OR10R2: variants seen among roughly 807,000 people sequenced by gnomAD.
The protein encoded by OR10R2 is olfactory receptor family 10 subfamily R member 2, also known as olfactory receptor 10R2.
OR10R2 carries 1 observed loss-of-function variant against 2.4 expected under a neutral mutation model. That is an observed-to-expected ratio of 0.41 (90% CI 0.15 to 1.95). OR10R2 has a LOEUF of 1.95. Ranked by LOEUF, OR10R2 falls within the 30% of genes most tolerant of loss-of-function variation. The pLI, the probability that OR10R2 is intolerant of heterozygous loss-of-function variation, is 0.30. For synonymous variants in OR10R2, 166 were observed against 144.8 expected, an observed-to-expected ratio of 1.15 and a Z score of -1.05; for missense variants, 419 against 373.0, an observed-to-expected ratio of 1.12 and a Z score of -1.01.
intron 1 of OR10R2, among the ~76,000 whole-genome samples, chr1:158,475,626 A>G (rs1571292829): frequency 6.6e-6 from 1 of 151,646 alleles, no homozygotes; most frequent in Non-Finnish European, 1.5e-5. Flanking sequence ...ATTTTTTATT[A>G]ATATTAACAT....
intron 1 of OR10R2, among the ~76,000 whole-genome samples, chr1:158,479,699 G>T (rs1049524783): frequency 6.6e-6 from 1 of 152,042 alleles, no homozygotes; most frequent in Non-Finnish European, 1.5e-5. Context: ...TAATCATAAG[G>T]GTTCTTAAAA....
intron 1 of OR10R2, among the ~76,000 whole-genome samples, chr1:158,474,034 CT>C (rs1489615859): frequency 9.6e-5 from 14 of 146,276 alleles, no homozygotes; most frequent in African/African-American, 5.0e-5. Flanking sequence ...TTTCTTCTTT[CT>C]TTCTTTCTTT....
chr1:158,472,842 T>A (rs1656189674), intron 1 of OR10R2, among the ~76,000 whole-genome samples: 1 of 152,058 alleles, frequency 6.6e-6, no homozygotes, highest in Admixed American at 6.6e-5. Flanking sequence ...AAAAAGGCTA[T>A]CCCTGGCACC....
chr1:158,479,994 C>A (rs1656349374), exon 2 of OR10R2: 3 of 1,613,910 alleles, frequency 1.9e-6, no homozygotes, highest in East Asian at 2.2e-5. Flanking sequence ...GTTTTTCCAG[C>A]CTTGGTGAAA....
At chr1:158,474,537 CA>C in intron 1 of OR10R2, 1 of 152,280 alleles carries the variant, frequency 6.6e-6, no homozygotes, top group East Asian at 1.9e-4. Context: ...AGAGAGGAAT[CA>C]GTCATGTAGA....
rs1184109962 is a variant in OR10R2, at chr1:158,480,143, C to T, written c.233C>T (p.Ser78Phe). 2.2e-5 allele frequency: 35 copies of T among 1,613,870 alleles called. No homozygotes were observed. The highest frequency in any genetic ancestry group is 3.0e-5 in the Non-Finnish European group (35 of 1,179,868). Residue 78 changes from serine (S) to phenylalanine (F), a missense_variant, in exon 2 of 2, where the codon TCT (serine) becomes TTT (phenylalanine). By Grantham distance (155) the Ser-to-Phe change is radical. Transcript: ENST00000641067. ...TTCTTCCTTGGCATTCTCTCAACATCTGAGACCTTCTACACCTTTGTCATT... is the reference window on the plus strand; with the variant it reads ...TTCTTCCTTGGCATTCTCTCAACATTTGAGACCTTCTACACCTTTGTCATT...
chr1:158,477,542 A>G (rs1436587083), intron 1 of OR10R2, among the ~76,000 whole-genome samples: 1 of 152,164 alleles, frequency 6.6e-6, no homozygotes, highest in Non-Finnish European at 1.5e-5. Context: ...CAAGAACACA[A>G]TTATATTTGA....
In OR10R2 at chr1:158,472,954, TA is replaced by T. The variant is rs550816515; in HGVS notation, c.27+604del. On this transcript the variant is annotated intron_variant, in intron 1 of 1. Transcript: ENST00000641067. The stretch of plus-strand genomic sequence containing the variant: ...TACTTATGTTGTCCATTCATCTTTA[TA>T]ACATCCCATATTACAGAAGAGAAAA... Among the ~76,000 whole-genome samples, 489 of 152,344 alleles carry T rather than the reference TA, an allele frequency of 3.2e-3. 2 individuals are homozygous for T. Among genetic ancestry groups the T allele is most frequent in the African/African-American group, 0.011 (460 of 41,594 alleles).
chr1:158,475,012 C>T (rs1309025136), intron 1 of OR10R2, among the ~76,000 whole-genome samples: 1 of 152,062 alleles, frequency 6.6e-6, no homozygotes, highest in East Asian at 1.9e-4. Context: ...GTGTTGTTCT[C>T]AGCACTCTAT....
chr1:158,475,423 C>T (rs569601944), intron 1 of OR10R2, among the ~76,000 whole-genome samples: 2 of 152,120 alleles, frequency 1.3e-5, no homozygotes, highest in Non-Finnish European at 2.9e-5. Context: ...AGTCATATAA[C>T]ACCACCACAG....
chr1:158,480,082 A>G, exon 2 of OR10R2: 1 of 1,613,924 alleles, frequency 6.2e-7, no homozygotes, highest in Non-Finnish European at 8.5e-7. Flanking sequence ...TATCAGTGTC[A>G]TCCACCTGGA....
intron 1 of OR10R2, among the ~76,000 whole-genome samples, chr1:158,476,584 T>C (rs1299690153): frequency 6.6e-5 from 10 of 151,558 alleles, no homozygotes; most frequent in Admixed American, 6.6e-4. Flanking sequence ...TTAAAATAAT[T>C]AAACTTAAAA....
At chr1:158,473,118 C>T (rs898208250) in intron 1 of OR10R2, among the ~76,000 whole-genome samples, 6 of 152,150 alleles carry the variant, frequency 3.9e-5, no homozygotes, top group Non-Finnish European at 5.9e-5. Context: ...TCTTTACCAA[C>T]TACATGAAAA....
chr1:158,480,172 C>A (rs369642264), exon 2 of OR10R2: 1 of 1,614,032 alleles, frequency 6.2e-7, no homozygotes, highest in Non-Finnish European at 8.5e-7. Flanking sequence ...TGTCATTCTA[C>A]CCAAGATGCT....
chr1:158,473,929 C>G (rs971150825), intron 1 of OR10R2, among the ~76,000 whole-genome samples: 2 of 143,418 alleles, frequency 1.4e-5, no homozygotes, highest in African/African-American at 5.2e-5. Context: ...CCCTCCCTCC[C>G]TCTCCCTCCC....
At chr1:158,473,293 C>G (rs781418442) in intron 1 of OR10R2, among the ~76,000 whole-genome samples, 20 of 152,060 alleles carry the variant, frequency 1.3e-4, no homozygotes, top group Non-Finnish European at 2.8e-4. Flanking sequence ...GTCAAATGAA[C>G]AACATAGTCT....
In OR10R2 at chr1:158,474,069, C is replaced by T. The variant is rs79914115; in HGVS notation, c.27+1717C>T. On this transcript the variant is annotated intron_variant, in intron 1 of 1. Transcript: ENST00000641067. The stretch of plus-strand genomic sequence containing the variant: ...TTCTAAGAAAATTGGAATTTTACAA[C>T]GTTTGCAGGGATTATTATAGGGTTC... Among the ~76,000 whole-genome samples the T allele has an allele frequency of 8.0e-3, 1,205 of 151,338 alleles. 18 individuals carry two copies. Among genetic ancestry groups the T allele is most frequent in the African/African-American group, 0.028 (1,138 of 41,122 alleles).
intron 1 of OR10R2, chr1:158,474,536 TCA>T (rs2101672119): frequency 6.6e-6 from 1 of 152,328 alleles, no homozygotes; most frequent in East Asian, 1.9e-4. Flanking sequence ...TAGAGAGGAA[TCA>T]GTCATGTAGA....
intron 1 of OR10R2, among the ~76,000 whole-genome samples, chr1:158,475,792 CTG>C (rs1656257507): frequency 6.6e-6 from 1 of 151,586 alleles, no homozygotes; most frequent in Admixed American, 6.6e-5. Context: ...TTCAAATTTT[CTG>C]TCCAGTAATA....
Sources: allele counts gnomAD v4.1 joint callset (sites outside exome capture counted in the v4.1 genomes callset), GRCh38; gene constraint gnomAD v4.1.1; transcripts MANE v1.5; gene names NCBI Gene and HGNC (gene_info 2026-07-23, HGNC 2026-07-21).